ZNF236: variants seen among roughly 807,000 people sequenced by gnomAD.
ZNF236 encodes the protein regulated by glucose.
A neutral mutation model predicts 191.2 loss-of-function variants in ZNF236; 50 were observed. The ratio of observed to expected loss-of-function variants is 0.26; its 90% CI spans 0.21 to 0.33. The LOEUF (loss-of-function observed/expected upper bound fraction) is 0.33. Ranked by LOEUF, ZNF236 falls within the 10% of genes least tolerant of loss-of-function variation. The pLI, the probability that ZNF236 is intolerant of heterozygous loss-of-function variation, is 1.00. For synonymous variants in ZNF236, 907 were observed against 928.8 expected, an observed-to-expected ratio of 0.98 and a Z score of 0.43; for missense variants, 1,754 against 2,374.5, an observed-to-expected ratio of 0.74 and a Z score of 5.43.
chr18:76,834,720 C>A (rs1975271560), intron 1 of ZNF236: 2 of 440,796 alleles, frequency 4.5e-6, no homozygotes, highest in Non-Finnish European at 8.9e-6. Context: ...TGTCCTCATA[C>A]AACCTGAACA....
chr18:76,912,068 A>G (rs1046543715), intron 16 of ZNF236, among the ~76,000 whole-genome samples, 176 bp from the exon 17 acceptor site: 1 of 152,202 alleles, frequency 6.6e-6, no homozygotes, highest in Non-Finnish European at 1.5e-5. Flanking sequence ...TAAAATCTGT[A>G]TAAGTGATCT....
chr18:76,843,288 G>A (rs1353108625), intron 1 of ZNF236, among the ~76,000 whole-genome samples: 2 of 151,992 alleles, frequency 1.3e-5, no homozygotes, highest in East Asian at 3.8e-4. Flanking sequence ...AAAGCTATTA[G>A]GGCCTATCTA....
intron 18 of ZNF236, among the ~76,000 whole-genome samples, chr18:76,914,711 T>A (rs981742074): frequency 6.6e-6 from 1 of 152,220 alleles, no homozygotes; most frequent in African/African-American, 2.4e-5. Flanking sequence ...ATGCCCATTT[T>A]AAAATTGGAT....
At chr18:76,852,104 C>T (rs1177434304) in intron 3 of ZNF236, among the ~76,000 whole-genome samples, 165 bp downstream of exon 3, 1 of 152,158 alleles carries the variant, frequency 6.6e-6, no homozygotes, top group Non-Finnish European at 1.5e-5. Context: ...ACTGATAAGA[C>T]ATTTTATTTT....
rs1408005227 is a variant in ZNF236, at chr18:76,970,963, C to T, written c.*2624C>T. Among the ~76,000 whole-genome samples the T allele has an allele frequency of 6.6e-6, 1 of 152,262 alleles. No individual in the cohort carries two copies. The highest frequency in any genetic ancestry group is 2.4e-5 in the African/African-American group (1 of 41,480). ...TCAGCACAGTGCCCTGTGCATGTGT[C>T]AGAACTGTTCCTGTTCCCTTTCATT... On this transcript the variant is annotated 3_prime_UTR_variant, in exon 31 of 31. Coordinates refer to ENST00000320610, the MANE Select transcript of ZNF236 (RefSeq NM_001306089.2).
chr18:76,947,793 C>T lies in ZNF236; in HGVS notation c.4914+141C>T, dbSNP rs556488880. The T allele has an allele frequency of 2.7e-4, 256 of 952,202 alleles. 1 individual carries two copies. In the African/African-American group the frequency reaches 3.1e-3, roughly 12 times the overall value. 59.0% of individuals were successfully genotyped at this position (952,202 alleles called of 1,614,324 possible). A position where few individuals can be genotyped will look rare whatever the true frequency, so the allele number is the denominator to read the frequency against. ...ACTTCTGAGGTGTCCCCGGCTGAAT[C>T]CTGAGTGGACATAGGCCCTGCGGGG... On this transcript the variant is annotated intron_variant, in intron 27 of 30. Coordinates refer to ENST00000320610, the MANE Select transcript of ZNF236 (RefSeq NM_001306089.2).
At position 76,968,711 on chromosome 18, in the gene ZNF236, A is replaced by G; in HGVS notation, c.*372A>G. 2 of 1,001,682 alleles carry G rather than the reference A, an allele frequency of 2.0e-6. No homozygotes were observed. The highest frequency in any genetic ancestry group is 2.4e-6 in the Non-Finnish European group (2 of 840,924). The allele number at this position is 1,001,682 out of a possible 1,614,324, so 62.0% of individuals were successfully genotyped here. A position where few individuals can be genotyped will look rare whatever the true frequency, so the allele number is the denominator to read the frequency against. ...AACGCTAACATTGAAAAAGTATGTC[A>G]GATTTTCCTTCATGTTTCTGGTTAT... On this transcript the variant is annotated 3_prime_UTR_variant, in exon 31 of 31. Coordinates refer to ENST00000320610, the MANE Select transcript of ZNF236 (RefSeq NM_001306089.2).
chr18:76,941,250 C>T (rs538996009), intron 26 of ZNF236, among the ~76,000 whole-genome samples: 10 of 152,236 alleles, frequency 6.6e-5, no homozygotes, highest in Middle Eastern at 3.4e-3. Context: ...CCCTGGGATG[C>T]GCTGTGGCCC....
chr18:76,847,505 A>C (rs183584257), intron 1 of ZNF236, among the ~76,000 whole-genome samples: 1 of 151,600 alleles, frequency 6.6e-6, no homozygotes, highest in Non-Finnish European at 1.5e-5. Context: ...TCACTCTTTC[A>C]CCCAGGCTGG....
chr18:76,873,938 CTG>C (rs1197252702), intron 5 of ZNF236, among the ~76,000 whole-genome samples: 2 of 151,358 alleles, frequency 1.3e-5, no homozygotes, highest in Non-Finnish European at 1.5e-5. Flanking sequence ...CACACTCTCA[CTG>C]TGCCTCCTGC....
chr18:76,828,138 C>T (rs569880120), intron 1 of ZNF236, among the ~76,000 whole-genome samples: 2 of 151,842 alleles, frequency 1.3e-5, no homozygotes, highest in African/African-American at 2.4e-5. Context: ...GGAGGCACCA[C>T]CAGTGTAAGC....
At chr18:76,848,726 T>A (rs1975774113) in intron 1 of ZNF236, among the ~76,000 whole-genome samples, 1 of 152,270 alleles carries the variant, frequency 6.6e-6, no homozygotes, top group African/African-American at 2.4e-5. Flanking sequence ...GGTGCAGTGG[T>A]GGGATCATCG....
At chr18:76,892,092 T>G (rs1311635388) in intron 9 of ZNF236, among the ~76,000 whole-genome samples, 2 of 151,824 alleles carry the variant, frequency 1.3e-5, no homozygotes, top group Admixed American at 6.5e-5. Context: ...ACTTACAGTC[T>G]TTGTCCCAAA....
At chr18:76,964,374 G>A (rs1968727298) in intron 30 of ZNF236, among the ~76,000 whole-genome samples, 1 of 152,128 alleles carries the variant, frequency 6.6e-6, no homozygotes, top group South Asian at 2.1e-4. Context: ...TGGTTTTGAA[G>A]GTTCCTTTTG....
chr18:76,891,307 G>T (rs1415387811), intron 9 of ZNF236, among the ~76,000 whole-genome samples: 1 of 152,134 alleles, frequency 6.6e-6, no homozygotes, highest in African/African-American at 2.4e-5. Context: ...TTAGGCTTGG[G>T]TGATATTTAG....
chr18:76,935,529 T>C (rs1967966984), intron 25 of ZNF236, among the ~76,000 whole-genome samples: 1 of 152,332 alleles, frequency 6.6e-6, no homozygotes, highest in African/African-American at 2.4e-5. Context: ...TTGGTTCCTT[T>C]ATTTCAGCAG....
intron 11 of ZNF236, among the ~76,000 whole-genome samples, chr18:76,900,977 C>T (rs1360259242): frequency 5.9e-5 from 9 of 152,154 alleles, no homozygotes; most frequent in Non-Finnish European, 1.0e-4. Context: ...CTCACATGCA[C>T]AGTGCACAAT....
intron 1 of ZNF236, chr18:76,824,231 A>C: frequency 2.6e-6 from 2 of 758,922 alleles, no homozygotes; most frequent in Non-Finnish European, 4.9e-6. Context: ...GAATCAATGT[A>C]AACTTATTCA....
At chr18:76,921,425 G>A (rs1156943383) in intron 20 of ZNF236, among the ~76,000 whole-genome samples, 1 of 152,198 alleles carries the variant, frequency 6.6e-6, no homozygotes, top group Non-Finnish European at 1.5e-5. Flanking sequence ...GGAGCTAAGG[G>A]GTTGTGATGG....
Sources: allele counts gnomAD v4.1 joint callset (sites outside exome capture counted in the v4.1 genomes callset), GRCh38; gene constraint gnomAD v4.1.1; transcripts MANE v1.5; gene names NCBI Gene and HGNC (gene_info 2026-07-23, HGNC 2026-07-21).